SMG6: variants seen among roughly 807,000 people sequenced by gnomAD.
SMG6 encodes the protein telomerase-binding protein EST1A.
SMG6 carries 66 observed loss-of-function variants against 142.2 expected under a neutral mutation model. The ratio of observed to expected loss-of-function variants is 0.46; its 90% CI spans 0.38 to 0.57. The LOEUF is 0.57. SMG6 is among the 20% of genes least tolerant of loss of function. SMG6 has a pLI of 0.00. For synonymous variants in SMG6, 779 were observed against 702.4 expected, an observed-to-expected ratio of 1.11 and a Z score of -1.72; for missense variants, 1,793 against 1,832.0, an observed-to-expected ratio of 0.98 and a Z score of 0.39.
At chr17:2,291,360 C>T (rs1348633428) in intron 6 of SMG6, among the ~76,000 whole-genome samples, 1 of 150,380 alleles carries the variant, frequency 6.6e-6, no homozygotes, top group Non-Finnish European at 1.5e-5. Context: ...AATGTTCTGA[C>T]ACTAGATAAA....
intron 8 of SMG6, among the ~76,000 whole-genome samples, chr17:2,273,177 A>G (rs1273289767): frequency 1.3e-5 from 2 of 152,166 alleles, no homozygotes; most frequent in Admixed American, 6.5e-5. Flanking sequence ...AATTAATAAT[A>G]TATATTAAAT....
intron 8 of SMG6, among the ~76,000 whole-genome samples, chr17:2,278,791 A>C (rs2074717856): frequency 6.6e-6 from 1 of 152,206 alleles, no homozygotes; most frequent in South Asian, 2.1e-4. Context: ...CAATTATTAT[A>C]TATCAATTTT....
At chr17:2,253,675 C>A (rs1053665011) in intron 8 of SMG6, among the ~76,000 whole-genome samples, 2 of 152,134 alleles carry the variant, frequency 1.3e-5, no homozygotes, top group East Asian at 3.9e-4. Flanking sequence ...AGGAGAAGCA[C>A]CAATTTTCAG....
At chr17:2,204,560 T>C (rs906904975) in intron 10 of SMG6, among the ~76,000 whole-genome samples, 1 of 152,212 alleles carries the variant, frequency 6.6e-6, no homozygotes, top group Non-Finnish European at 1.5e-5. Flanking sequence ...AAAGCAGTTA[T>C]GCCAAGGAAG....
chr17:2,277,161 ATTTAT>A (rs1203603363), intron 8 of SMG6, among the ~76,000 whole-genome samples: 3 of 65,136 alleles, frequency 4.6e-5, no homozygotes, highest in African/African-American at 1.2e-4. Flanking sequence ...TTATTTATTT[ATTTAT>A]TTTTTATTTT....
intron 10 of SMG6, among the ~76,000 whole-genome samples, chr17:2,224,494 A>G (rs1294838044): frequency 6.6e-6 from 1 of 152,202 alleles, no homozygotes; most frequent in African/African-American, 2.4e-5. Context: ...ATAGAAGGTT[A>G]GATATAGCTA....
intron 13 of SMG6, among the ~76,000 whole-genome samples, chr17:2,129,867 G>T (rs953589057): frequency 1.4e-5 from 2 of 147,280 alleles, no homozygotes. Flanking sequence ...TAGAAGCATT[G>T]CTATTAAAGT....
chr17:2,192,646 G>A (rs183919311), intron 10 of SMG6, among the ~76,000 whole-genome samples: 7 of 152,256 alleles, frequency 4.6e-5, no homozygotes, highest in Admixed American at 4.6e-4. Context: ...CAATTTGTTG[G>A]CCCTTATCTT....
At chr17:2,283,761 A>G in intron 6 of SMG6, 26 bp from the exon 7 acceptor site, 3 of 1,583,100 alleles carry the variant, frequency 1.9e-6, no homozygotes, top group Non-Finnish European at 2.6e-6. Flanking sequence ...AGAGACATTC[A>G]GTCAACCAAT....
At chr17:2,196,571 T>C (rs1004542784) in intron 10 of SMG6, among the ~76,000 whole-genome samples, 3 of 152,196 alleles carry the variant, frequency 2.0e-5, no homozygotes, top group African/African-American at 4.8e-5. Flanking sequence ...ATGTAGACAA[T>C]AGATCTATAG....
chr17:2,300,679 A>G lies in SMG6; in HGVS notation c.89-15T>C. 6.4e-7 allele frequency: 1 copy of G among 1,554,258 alleles called. No individual in the cohort carries two copies. Among genetic ancestry groups the G allele is most frequent in the South Asian group, 1.2e-5 (1 of 80,972 alleles). On this transcript the variant is annotated splice_polypyrimidine_tract_variant and intron_variant, in intron 1 of 18. Transcript: ENST00000263073. ...CTTCATGTTTTCTGTTATGTCGGGG[A>G]AAGAGTTTGGGAGGGAAAGGTAGAA... is the stretch of plus-strand genomic sequence containing the variant.
intron 13 of SMG6, among the ~76,000 whole-genome samples, chr17:2,111,779 T>C (rs1383365932): frequency 6.6e-6 from 1 of 152,114 alleles, no homozygotes; most frequent in African/African-American, 2.4e-5. Flanking sequence ...GAAGGGCTTG[T>C]TAGCTACACA....
intron 4 of SMG6, among the ~76,000 whole-genome samples, chr17:2,293,723 C>T (rs2075089119): frequency 6.6e-6 from 1 of 152,254 alleles, no homozygotes; most frequent in Non-Finnish European, 1.5e-5. Context: ...ATGTGCCTGC[C>T]TCAGCATCCC....
intron 8 of SMG6, among the ~76,000 whole-genome samples, chr17:2,267,740 T>C (rs1333293708): frequency 7.3e-6 from 1 of 137,118 alleles, no homozygotes; most frequent in Non-Finnish European, 1.6e-5. Context: ...TTTTTAATTA[T>C]TTTTATTATT....
chr17:2,197,415 A>C (rs961870419), intron 10 of SMG6, among the ~76,000 whole-genome samples: 4 of 151,954 alleles, frequency 2.6e-5, no homozygotes, highest in African/African-American at 7.3e-5. Flanking sequence ...AAAAAAATTT[A>C]ATTAGCTGGA....
chr17:2,153,406 G>A (rs2070886429), intron 13 of SMG6, among the ~76,000 whole-genome samples: 1 of 152,178 alleles, frequency 6.6e-6, no homozygotes, highest in East Asian at 1.9e-4. Context: ...AATTTTTGGG[G>A]GTGTTGAAAA....
intron 13 of SMG6, among the ~76,000 whole-genome samples, chr17:2,140,651 G>A (rs2070448290): frequency 7.2e-6 from 1 of 138,812 alleles, no homozygotes; most frequent in Non-Finnish European, 1.5e-5. Flanking sequence ...CAGCCTGGGT[G>A]ACAGAGTGAG....
chr17:2,295,310 T>C (rs1023286587), intron 4 of SMG6, among the ~76,000 whole-genome samples: 2 of 152,004 alleles, frequency 1.3e-5, no homozygotes, highest in Non-Finnish European at 2.9e-5. Flanking sequence ...TGCTCAACTT[T>C]CCAATCTTAA....
chr17:2,164,588 A>G (rs2071277462), intron 13 of SMG6, among the ~76,000 whole-genome samples: 1 of 152,148 alleles, frequency 6.6e-6, no homozygotes. Flanking sequence ...AGCCTGAGTG[A>G]CAGAGTAAGA....
Sources: allele counts gnomAD v4.1 joint callset (sites outside exome capture counted in the v4.1 genomes callset), GRCh38; gene constraint gnomAD v4.1.1; transcripts MANE v1.5; gene names NCBI Gene and HGNC (gene_info 2026-07-23, HGNC 2026-07-21).